ABCA13: variants seen among roughly 807,000 people sequenced by gnomAD.
ABCA13 encodes ATP binding cassette subfamily A member 13.
Under a neutral mutation model 478.7 loss-of-function variants are expected in ABCA13, and 476 were observed. That is an observed-to-expected ratio of 0.99 (90% confidence interval 0.92 to 1.07). The LOEUF (loss-of-function observed/expected upper bound fraction) is 1.07. ABCA13 is among the 50% of genes least tolerant of loss of function. The pLI is 0.00. For synonymous variants in ABCA13, 2,252 were observed against 2,158.9 expected, an observed-to-expected ratio of 1.04 and a Z score of -1.20; for missense variants, 6,060 against 5,910.6, an observed-to-expected ratio of 1.03 and a Z score of -0.83.
At chr7:48,631,309 T>A (rs1481907117) in intron 59 of ABCA13, among the ~76,000 whole-genome samples, 2 of 152,088 alleles carry the variant, frequency 1.3e-5, no homozygotes, top group Non-Finnish European at 2.9e-5. Context: ...TTTAAGTCTT[T>A]AATCCATTTT....
chr7:48,238,855 T>C (rs1015795073), intron 8 of ABCA13, among the ~76,000 whole-genome samples: 9 of 152,366 alleles, frequency 5.9e-5, no homozygotes, highest in African/African-American at 2.2e-4. Context: ...TTTGAATCTT[T>C]CCAATTTTAT....
chr7:48,520,357 A>C, intron 53 of ABCA13, 63 bp downstream of exon 53: 1 of 1,502,516 alleles, frequency 6.7e-7, no homozygotes, highest in Non-Finnish European at 8.9e-7. Flanking sequence ...GGAAGAGAAA[A>C]ATTCATCCTG....
chr7:48,526,289 C>A (rs930669718), intron 54 of ABCA13, among the ~76,000 whole-genome samples: 2 of 152,052 alleles, frequency 1.3e-5, no homozygotes, highest in African/African-American at 2.4e-5. Flanking sequence ...TTGGGGCCTT[C>A]ACTTTGGGGT....
At chr7:48,491,503 G>T (rs1395988534) in intron 48 of ABCA13, among the ~76,000 whole-genome samples, 1 of 152,188 alleles carries the variant, frequency 6.6e-6, no homozygotes, top group Non-Finnish European at 1.5e-5. Flanking sequence ...CGTTTTGCTG[G>T]TGACTTCCAG....
intron 55 of ABCA13, among the ~76,000 whole-genome samples, chr7:48,539,030 A>G (rs1260990384): frequency 6.6e-6 from 1 of 152,186 alleles, no homozygotes; most frequent in Admixed American, 6.5e-5. Flanking sequence ...AGTTAGACGC[A>G]GGTTCAATCC....
intron 27 of ABCA13, among the ~76,000 whole-genome samples, chr7:48,331,542 GAATT>G (rs1805405148): frequency 6.6e-6 from 1 of 152,156 alleles, no homozygotes. Context: ...TCTTCATTTA[GAATT>G]CCATGTTCTT....
chr7:48,524,145 G>GT, intron 53 of ABCA13, 103 bp from the exon 54 acceptor site: 1 of 1,087,578 alleles, frequency 9.2e-7, no homozygotes, highest in Non-Finnish European at 1.3e-6. Flanking sequence ...AAGTCCGAAG[G>GT]TGATATCTTC....
intron 38 of ABCA13, among the ~76,000 whole-genome samples, chr7:48,396,017 G>A (rs1020186409): frequency 6.6e-6 from 1 of 152,248 alleles, no homozygotes; most frequent in African/African-American, 2.4e-5. Flanking sequence ...AGAGATGTGA[G>A]TTGAAGGAGT....
intron 51 of ABCA13, among the ~76,000 whole-genome samples, chr7:48,513,195 A>G (rs1831842998): frequency 1.3e-5 from 2 of 152,208 alleles, no homozygotes; most frequent in African/African-American, 2.4e-5. Context: ...ACGGAGCCCA[A>G]GGGCAAACTC....
At chr7:48,352,580 C>A in intron 31 of ABCA13, 93 bp downstream of exon 31, 2 of 1,378,858 alleles carry the variant, frequency 1.5e-6, no homozygotes, top group Non-Finnish European at 1.9e-6. Context: ...ATGGTTATTT[C>A]AAAAAGCACT....
chr7:48,412,302 T>C (rs2129097123), intron 40 of ABCA13, 51 bp from the exon 41 acceptor site: 1 of 1,403,142 alleles, frequency 7.1e-7, no homozygotes, highest in Non-Finnish European at 9.8e-7. Flanking sequence ...TTGATGTATA[T>C]ATGGATTAAC....
intron 5 of ABCA13, 144 bp from the exon 6 acceptor site, chr7:48,227,118 C>G: frequency 1.4e-6 from 1 of 738,184 alleles, no homozygotes; most frequent in East Asian, 2.6e-5. Context: ...ATTGGCAAAT[C>G]TGTTCAATGT....
Position 48,514,178 on chromosome 7 carries a change from G to T in ABCA13, c.13641-2547G>T, listed in dbSNP as rs184463981. Among the ~76,000 whole-genome samples, 471 of 151,778 alleles carry T rather than the reference G, an allele frequency of 3.1e-3. 1 individual carries two copies. The highest frequency in any genetic ancestry group is 0.02 in the Middle Eastern group (6 of 294). Reference sequence around the variant, plus strand: ...GGCTGCTGTACCCTTAGATTGTATTGCTGGATGTGGAGATGCTGATCAAAG... The same window carrying T: ...GGCTGCTGTACCCTTAGATTGTATTTCTGGATGTGGAGATGCTGATCAAAG... On this transcript the variant is annotated intron_variant, in intron 51 of 61. Transcript: ENST00000435803.
At chr7:48,397,833 T>C (rs1817050463) in intron 38 of ABCA13, among the ~76,000 whole-genome samples, 1 of 152,216 alleles carries the variant, frequency 6.6e-6, no homozygotes, top group Admixed American at 6.5e-5. Context: ...AAAAAGTCCT[T>C]GAGGGACCGA....
In ABCA13 at chr7:48,278,150, T is replaced by C. The variant is rs1365940150; in HGVS notation, c.6956T>C (p.Leu2319Pro). Residue 2319 changes from leucine to proline, a missense_variant, in exon 18 of 62, where the codon CTG becomes CCG. This residue lies in a region of ABCA13 where 4,423 missense variants were observed against 4,309.1 expected (regional missense o/e 1.03). Transcript: ENST00000435803. ...CTGAAACTGGATCAATTTCTTACCC[T>C]GATGATACAAGACAGATTGATGAAC... ...EILKLDQFLT[L>P]MIQDRLMNIF... is the part of the protein sequence containing the mutation. 1 of 1,491,828 alleles carries C rather than the reference T, an allele frequency of 6.7e-7. No individual in the cohort carries two copies. The highest frequency in any genetic ancestry group is 2.4e-5 in the Admixed American group (1 of 41,856). 92.4% of individuals were successfully genotyped at this position (1,491,828 alleles called of 1,614,324 possible). A position where few individuals can be genotyped will look rare whatever the true frequency, so the allele number is the denominator to read the frequency against.
chr7:48,239,145 A>C lies in ABCA13; in HGVS notation c.898-96A>C, dbSNP rs562871521. On this transcript the variant is annotated intron_variant, in intron 8 of 61. Coordinates refer to ENST00000435803, the MANE Select transcript of ABCA13 (RefSeq NM_152701.5). ...ACTTCTTCAATCAAGCAAATGTAAG[A>C]ACTTTTACTGTGGCAAGATCGTGGT... 10 of 1,314,798 alleles carry C rather than the reference A, an allele frequency of 7.6e-6. No individual in the cohort carries two copies. In the East Asian group the frequency reaches 2.4e-4, roughly 31 times the overall value. The allele number at this position is 1,314,798 out of a possible 1,614,324, so 81.4% of individuals were successfully genotyped here.
At chr7:48,543,733 TATAAAAATGCAAAA>T (rs1784563741) in intron 55 of ABCA13, among the ~76,000 whole-genome samples, 1 of 152,038 alleles carries the variant, frequency 6.6e-6, no homozygotes, top group South Asian at 2.1e-4. Flanking sequence ...CCATCATTAA[TATAAAAATGCAAAA>T]CAAACAACAG....
chr7:48,329,843 A>G (rs556008566), intron 27 of ABCA13, among the ~76,000 whole-genome samples: 139 of 151,764 alleles, frequency 9.2e-4, no homozygotes, highest in African/African-American at 3.3e-3. Flanking sequence ...CCATCTATCC[A>G]TGCATCCATC....
chr7:48,196,811 T>C (rs990431299), intron 2 of ABCA13, among the ~76,000 whole-genome samples: 4 of 152,180 alleles, frequency 2.6e-5, no homozygotes, highest in Non-Finnish European at 5.9e-5. Flanking sequence ...CTGGGCACTG[T>C]TGCTGACCCC....
Sources: gnomAD v4.1 joint callset for allele counts (sites outside exome capture counted in the v4.1 genomes callset) on GRCh38, gnomAD v4.1.1 for gene constraint, gnomAD v4.1.1 regional missense constraint, MANE v1.5 for transcripts, NCBI Gene and HGNC (gene_info 2026-07-23, HGNC 2026-07-21) for gene names.